Variants in TXN observed in about 807,000 individuals in gnomAD.
TXN encodes the protein thioredoxin, also known as ADF.
TXN carries 10 observed loss-of-function variants against 16.5 expected under a neutral mutation model. That is an observed-to-expected ratio of 0.61 (90% CI 0.37 to 1.03). The LOEUF (loss-of-function observed/expected upper bound fraction) is 1.03, where lower values mean the gene tolerates loss of function less well. Ranked by LOEUF, TXN falls within the 50% of genes least tolerant of loss-of-function variation. The probability of loss-of-function intolerance (pLI) is 0.01; values close to 1 mark genes in which losing one functional copy is unlikely to be tolerated. For missense variants in TXN, 71 were observed against 122.5 expected (o/e 0.58, Z 1.98); for synonymous variants, 35 against 39.4 (o/e 0.89, Z 0.42).
chr9:110,244,683 C>T, intron 4 of TXN, 95 bp downstream of exon 4: 1 of 1,122,576 alleles, frequency 8.9e-7, no homozygotes. Flanking sequence ...GGTGATATGC[C>T]TCAATCTTTA....
At chr9:110,245,005 G>A in intron 3 of TXN, 162 bp from the exon 4 acceptor site, 1 of 519,162 alleles carries the variant, frequency 1.9e-6, no homozygotes, top group Non-Finnish European at 3.6e-6. Flanking sequence ...TGAATATAAT[G>A]GCATTACAAA....
In TXN at chr9:110,244,771, T is replaced by C. The variant is rs1837625761; in HGVS notation, c.255+7A>G. ...CAGTTAGAGTTTTAAAGGTCAGATG[T>C]ACGTACCTTTTGTCCCTTCTTAAAA... On this transcript the variant is annotated splice_region_variant and intron_variant, in intron 4 of 4. Transcript: ENST00000374517. 1.9e-6 allele frequency: 3 copies of C among 1,610,340 alleles called. No individual in the cohort carries two copies. Among genetic ancestry groups the C allele is most frequent in the South Asian group, 2.2e-5 (2 of 91,008 alleles).
chr9:110,252,457 TAAATG>T (rs1231260527), intron 1 of TXN, among the ~76,000 whole-genome samples: 8 of 152,164 alleles, frequency 5.3e-5, no homozygotes. Context: ...TGTCATTCAT[TAAATG>T]AAAGTTTTCG....
At chr9:110,245,468 G>C (rs985667800) in intron 3 of TXN, among the ~76,000 whole-genome samples, 1 of 149,248 alleles carries the variant, frequency 6.7e-6, no homozygotes, top group Non-Finnish European at 1.5e-5. Context: ...GGAATGCAGG[G>C]GCATAGTCTC....
At chr9:110,250,121 T>C (rs924637472) in intron 3 of TXN, among the ~76,000 whole-genome samples, 2 of 152,268 alleles carry the variant, frequency 1.3e-5, no homozygotes, top group Non-Finnish European at 2.9e-5. Context: ...GACCACTTCA[T>C]TTTAAATCCT....
chr9:110,250,576 G>A (rs1450040249), intron 3 of TXN, among the ~76,000 whole-genome samples: 1 of 152,178 alleles, frequency 6.6e-6, no homozygotes, highest in Non-Finnish European at 1.5e-5. Context: ...GTTTTAGAAA[G>A]GTGGGTGGCC....
chr9:110,248,900 G>A (rs867711402), intron 3 of TXN, among the ~76,000 whole-genome samples: 2 of 151,966 alleles, frequency 1.3e-5, no homozygotes, highest in Non-Finnish European at 2.9e-5. Context: ...ATCACCTGAA[G>A]TCAGGAGTTC....
intron 3 of TXN, among the ~76,000 whole-genome samples, chr9:110,245,643 TATATA>T (rs1360211543): frequency 0.08 from 2,944 of 36,888 alleles, 371 homozygotes; most frequent in Non-Finnish European, 0.099. Context: ...TATATATATA[TATATA>T]TATATATTTT....
intron 3 of TXN, chr9:110,245,072 C>T (rs1017149926): frequency 5.5e-5 from 19 of 348,358 alleles, no homozygotes; most frequent in Middle Eastern, 4.2e-4. Context: ...CTTCCTTTGA[C>T]GGGCACATTA....
intron 1 of TXN, among the ~76,000 whole-genome samples, chr9:110,255,892 T>C (rs1309009084): frequency 1.3e-5 from 2 of 152,124 alleles, no homozygotes; most frequent in Admixed American, 1.3e-4. Context: ...TCACTTCACA[T>C]ACGGAAAGGC....
intron 1 of TXN, among the ~76,000 whole-genome samples, chr9:110,255,286 C>G (rs1325779107): frequency 6.6e-6 from 1 of 152,212 alleles, no homozygotes; most frequent in Non-Finnish European, 1.5e-5. Context: ...CGAGCAGTAT[C>G]AATTTCCTCC....
rs1353274717 is a variant in TXN at position 110,244,125 on chromosome 9, C to G, written c.*32G>C. On this transcript the variant is annotated 3_prime_UTR_variant, in exon 5 of 5. Coordinates refer to ENST00000374517, the MANE Select transcript of TXN (RefSeq NM_003329.4). ...TAAAAAAATTACAAGTTTTAAATAGCCAATGGCTGGTTATATTTTCAGAAA... is the reference window on the plus strand; with the variant it reads ...TAAAAAAATTACAAGTTTTAAATAGGCAATGGCTGGTTATATTTTCAGAAA... 2 of 1,411,810 alleles carry G rather than the reference C, an allele frequency of 1.4e-6. No homozygotes were observed. The highest frequency in any genetic ancestry group is 1.9e-6 in the Non-Finnish European group (2 of 1,042,402). The allele number at this position is 1,411,810 out of a possible 1,614,324, so 87.5% of individuals were successfully genotyped here. A position where few individuals can be genotyped will look rare whatever the true frequency, so the allele number is the denominator to read the frequency against.
At chr9:110,247,559 G>A (rs569789817) in intron 3 of TXN, among the ~76,000 whole-genome samples, 34 of 152,214 alleles carry the variant, frequency 2.2e-4, no homozygotes, top group South Asian at 1.7e-3. Context: ...CGCATTAGCT[G>A]GTGCAAACAA....
At chr9:110,250,967 TAAAA>T in intron 2 of TXN, 88 bp from the exon 3 acceptor site, 1 of 959,150 alleles carries the variant, frequency 1.0e-6, no homozygotes, top group Non-Finnish European at 1.6e-6. Context: ...GGAAACTTAA[TAAAA>T]GTAGAGACTA....
chr9:110,250,916 G>T (rs1587923543), intron 2 of TXN, 37 bp from the exon 3 acceptor site: 1 of 1,511,990 alleles, frequency 6.6e-7, no homozygotes, highest in African/African-American at 1.4e-5. Flanking sequence ...AAAAGATTTA[G>T]AACTAGGTAA....
At chr9:110,250,945 A>G in intron 2 of TXN, 66 bp from the exon 3 acceptor site, 2 of 1,164,768 alleles carry the variant, frequency 1.7e-6, no homozygotes, top group Non-Finnish European at 2.5e-6. Context: ...AACATACCCA[A>G]GCTTCTTAAA....
rs369644715 is a variant in TXN, at chr9:110,254,697, GTGCTCTGACA to G, written c.24+1705_24+1714del. Among the ~76,000 whole-genome samples the G allele has an allele frequency of 5.1e-3, 784 of 152,280 alleles. 7 individuals are homozygous for G. Among genetic ancestry groups the G allele is most frequent in the African/African-American group, 0.018 (760 of 41,550 alleles). On this transcript the variant is annotated intron_variant, in intron 1 of 4. Transcript: ENST00000374517. ...CCTTTGTCACTGGTAGAGGAGGAAG[GTGCTCTGACA>G]TGCTCTGACAACTGGGAGGACTAAA... is the stretch of plus-strand genomic sequence containing the variant.
chr9:110,245,684 G>A lies in TXN; in HGVS notation c.190-841C>T, dbSNP rs189705697. On this transcript the variant is annotated intron_variant, in intron 3 of 4. Transcript: ENST00000374517. ...TTTTTTTTTTTTTTTATAGGGACAA[G>A]GTCTCTCCATGTTGCCCAGGCTGGT... Among the ~76,000 whole-genome samples the A allele has an allele frequency of 8.2e-4, 93 of 113,140 alleles. 2 individuals are homozygous for A. The East Asian group carries it at 0.023, about 28-fold the overall frequency. 74.2% of individuals were successfully genotyped at this position (113,140 alleles called of 152,430 possible). A position where few individuals can be genotyped will look rare whatever the true frequency, so the allele number is the denominator to read the frequency against.
chr9:110,245,829 C>G (rs1477934907), intron 3 of TXN, among the ~76,000 whole-genome samples: 2 of 150,770 alleles, frequency 1.3e-5, no homozygotes, highest in African/African-American at 4.9e-5. Context: ...ATTTGTGAGG[C>G]CAAGGCCGGT....
Sources: allele counts gnomAD v4.1 joint callset (sites outside exome capture counted in the v4.1 genomes callset), GRCh38; gene constraint gnomAD v4.1.1; transcripts MANE v1.5; gene names NCBI Gene and HGNC (gene_info 2026-07-23, HGNC 2026-07-21).